Variants in IQCM observed in about 807,000 individuals in gnomAD.
The protein encoded by IQCM is IQ domain-containing protein M.
A neutral mutation model predicts 57.6 loss-of-function variants in IQCM; 45 were observed. That is an observed-to-expected ratio of 0.78 (90% CI 0.62 to 1.00). The LOEUF (loss-of-function observed/expected upper bound fraction) is 1.00. IQCM is among the 50% of genes least tolerant of loss of function. The pLI, the probability that IQCM is intolerant of heterozygous loss-of-function variation, is 0.00. For missense variants in IQCM, 468 were observed against 511.6 expected, an observed-to-expected ratio of 0.91 and a Z score of 0.82; for synonymous variants, 148 against 158.9, an observed-to-expected ratio of 0.93 and a Z score of 0.51.
intron 12 of IQCM, among the ~76,000 whole-genome samples, chr4:149,541,030 C>T (rs1747798890): frequency 6.6e-6 from 1 of 151,954 alleles, no homozygotes; most frequent in African/African-American, 2.4e-5. Context: ...TTAAAATGTC[C>T]TTTTAAATCC....
intron 7 of IQCM, among the ~76,000 whole-genome samples, chr4:149,659,035 AG>A (rs780118103): frequency 6.6e-6 from 1 of 152,044 alleles, no homozygotes; most frequent in African/African-American, 2.4e-5. Context: ...GTTAAAAAAA[AG>A]GGTATCTTTT....
intron 12 of IQCM, among the ~76,000 whole-genome samples, chr4:149,525,858 A>G (rs774691003): frequency 4.0e-5 from 6 of 151,886 alleles, no homozygotes; most frequent in Non-Finnish European, 7.4e-5. Flanking sequence ...CAAGTGAAGG[A>G]TTAATATATA....
chr4:149,606,581 A>G (rs560733776), intron 8 of IQCM, among the ~76,000 whole-genome samples: 8 of 152,328 alleles, frequency 5.3e-5, no homozygotes, highest in African/African-American at 1.4e-4. Context: ...CCAGTGATCA[A>G]TCCTGGAGTG....
At chr4:149,766,178 TG>T (rs1770035462) in intron 2 of IQCM, among the ~76,000 whole-genome samples, 1 of 152,100 alleles carries the variant, frequency 6.6e-6, no homozygotes, top group East Asian at 1.9e-4. Context: ...CACTTATTGC[TG>T]TCAAATTATG....
At chr4:149,743,621 C>A (rs1458096151) in intron 2 of IQCM, among the ~76,000 whole-genome samples, 2 of 152,108 alleles carry the variant, frequency 1.3e-5, no homozygotes, top group Admixed American at 6.6e-5. Context: ...AGGCATCTGG[C>A]ATTTTTGAAA....
chr4:149,522,620 A>C (rs1389612390), intron 12 of IQCM, among the ~76,000 whole-genome samples: 1 of 152,168 alleles, frequency 6.6e-6, no homozygotes, highest in Non-Finnish European at 1.5e-5. Flanking sequence ...TAGAGGGGGA[A>C]AAAGTGGGGA....
intron 12 of IQCM, among the ~76,000 whole-genome samples, chr4:149,442,966 AGAG>A (rs1440684828): frequency 5.2e-5 from 7 of 133,932 alleles, no homozygotes; most frequent in African/African-American, 1.6e-4. Flanking sequence ...AGAGAGAGAG[AGAG>A]AGAGAGAGAG....
intron 12 of IQCM, among the ~76,000 whole-genome samples, chr4:149,493,842 C>T (rs545899130): frequency 2.0e-5 from 3 of 149,174 alleles, no homozygotes; most frequent in Non-Finnish European, 3.0e-5. Context: ...TAGGTGGGTG[C>T]GAGTAGTTGG....
At chr4:149,664,590 A>T (rs1760522002) in intron 7 of IQCM, among the ~76,000 whole-genome samples, 1 of 152,062 alleles carries the variant, frequency 6.6e-6, no homozygotes, top group African/African-American at 2.4e-5. Context: ...GATTGTCTCA[A>T]TGGCTAAGAT....
At chr4:149,425,374 G>T (rs1196861477) in intron 13 of IQCM, among the ~76,000 whole-genome samples, 2 of 152,032 alleles carry the variant, frequency 1.3e-5, no homozygotes, top group East Asian at 3.9e-4. Flanking sequence ...GTGTCCCAGA[G>T]AAGCTAATGG....
chr4:149,401,770 AATG>A (rs1302594674), intron 13 of IQCM, among the ~76,000 whole-genome samples: 1 of 151,788 alleles, frequency 6.6e-6, no homozygotes. Context: ...TCTGTTTCTG[AATG>A]ATTATTTTTC....
At chr4:149,640,617 A>T (rs541261181) in intron 7 of IQCM, among the ~76,000 whole-genome samples, 1 of 152,102 alleles carries the variant, frequency 6.6e-6, no homozygotes, top group South Asian at 2.1e-4. Flanking sequence ...TTCTAACCAC[A>T]TTTTGCATTT....
At chr4:149,711,315 G>A (rs1764544594) in intron 5 of IQCM, among the ~76,000 whole-genome samples, 1 of 152,150 alleles carries the variant, frequency 6.6e-6, no homozygotes, top group East Asian at 1.9e-4. Context: ...TCAAGAAAGA[G>A]GATGTAGCAC....
rs533165074 is a variant in IQCM, at chr4:149,410,182, AAAAC to A, written c.1390+23210_1390+23213del. ...TGGGCTACAGAGCAAGGCTCCATTT[AAAAC>A]AAACAAACAAACAAACAAACAAACA... On this transcript the variant is annotated intron_variant, in intron 13 of 13. Transcript: ENST00000636793. Among the ~76,000 whole-genome samples the A allele has an allele frequency of 1.9e-3, 286 of 152,122 alleles. 2 individuals carry two copies. The highest frequency in any genetic ancestry group is 5.2e-3 in the Admixed American group (79 of 15,256).
chr4:149,601,970 C>A (rs560939426), intron 8 of IQCM, among the ~76,000 whole-genome samples: 2 of 143,602 alleles, frequency 1.4e-5, no homozygotes, highest in Admixed American at 1.5e-4. Context: ...GGGAGAATGG[C>A]GTGAACCCGG....
At chr4:149,537,973 C>T (rs1189296269) in intron 12 of IQCM, among the ~76,000 whole-genome samples, 5 of 151,398 alleles carry the variant, frequency 3.3e-5, no homozygotes, top group Admixed American at 2.6e-4. Flanking sequence ...GATGGTAACT[C>T]ATATCCAGAG....
chr4:149,547,100 T>C (rs1276168586), intron 12 of IQCM, among the ~76,000 whole-genome samples: 2 of 152,192 alleles, frequency 1.3e-5, no homozygotes, highest in African/African-American at 4.8e-5. Flanking sequence ...TTTCTTGTTT[T>C]TGTCAGGTTT....
rs536375896 is a variant in IQCM, at chr4:149,575,626, C to T, written c.750-11736G>A. Reference sequence around the variant, plus strand: ...ATGCCAATCCCCAAAAAACAAGTGCCCTCCTATTTTTGACTGTTTCTAGGT... The same window carrying T: ...ATGCCAATCCCCAAAAAACAAGTGCTCTCCTATTTTTGACTGTTTCTAGGT... On this transcript the variant is annotated intron_variant, in intron 9 of 13. Transcript: ENST00000636793. 1.6e-4 allele frequency among the ~76,000 whole-genome samples: 25 copies of T among 151,934 alleles called. No individual in the cohort carries two copies. The South Asian group carries it at 5.0e-3, about 30-fold the overall frequency.
chr4:149,594,848 C>T (rs1348285652), intron 8 of IQCM, among the ~76,000 whole-genome samples: 1 of 152,104 alleles, frequency 6.6e-6, no homozygotes, highest in African/African-American at 2.4e-5. Flanking sequence ...TGTTCTTTTA[C>T]ATTTGCTGAG....
Sources: allele counts gnomAD v4.1 joint callset (sites outside exome capture counted in the v4.1 genomes callset), GRCh38; gene constraint gnomAD v4.1.1; transcripts MANE v1.5; gene names NCBI Gene and HGNC (gene_info 2026-07-23, HGNC 2026-07-21).